Variants in HYDIN observed in about 807,000 individuals in gnomAD.
The protein encoded by HYDIN is HYDIN axonemal central pair apparatus protein, also known as axonemal central pair apparatus protein HYDIN.
HYDIN carries 132 observed loss-of-function variants against 403.9 expected under a neutral mutation model. The observed-to-expected ratio is 0.33, with a 90% CI of 0.28 to 0.38. HYDIN has a LOEUF of 0.38. Among genes scored for constraint, HYDIN ranks in the 10% least tolerant of loss-of-function variants. HYDIN has a pLI of 1.00. For synonymous variants in HYDIN, 1,202 were observed against 1,891.7 expected (o/e 0.64, Z 9.46); for missense variants, 2,827 against 5,009.5 (o/e 0.56, Z 13.15).
chr16:71,023,096 C>A (rs2080557480), intron 21 of HYDIN, among the ~76,000 whole-genome samples: 1 of 152,176 alleles, frequency 6.6e-6, no homozygotes, highest in African/African-American at 2.4e-5. Context: ...TACAATGCCA[C>A]CAACTTCAGT....
At chr16:70,881,406 T>A (rs1332564479) in intron 60 of HYDIN, among the ~76,000 whole-genome samples, 9 of 142,874 alleles carry the variant, frequency 6.3e-5, no homozygotes, top group African/African-American at 2.2e-4. Context: ...CAGGAGATCG[T>A]GACCATCCTG....
Position 70,844,807 on chromosome 16 carries a change from T to C in HYDIN, c.12874-4574A>G, listed in dbSNP as rs535336040. Among the ~76,000 whole-genome samples the C allele has an allele frequency of 1.7e-3, 263 of 150,440 alleles. 2 individuals carry two copies. The highest frequency in any genetic ancestry group is 6.2e-3 in the African/African-American group (252 of 40,622). On this transcript the variant is annotated intron_variant, in intron 75 of 85. Transcript: ENST00000393567. ...AGGTATTTTATTCTCTTTGAAGCAA[T>C]TGTGAATGGGAGTTCACTCATGATT...
intron 53 of HYDIN, among the ~76,000 whole-genome samples, chr16:70,896,588 TCAAA>T (rs1236708363): frequency 6.6e-6 from 1 of 151,166 alleles, no homozygotes; most frequent in Non-Finnish European, 1.5e-5. Context: ...ACTCTTGAAC[TCAAA>T]CAATCCTCCC....
At chr16:71,010,991 C>T (rs2144099763) in intron 23 of HYDIN, among the ~76,000 whole-genome samples, 1 of 152,300 alleles carries the variant, frequency 6.6e-6, no homozygotes, top group Middle Eastern at 3.4e-3. Flanking sequence ...ATGAATGCAG[C>T]CTGGTATAAG....
chr16:71,215,171 G>A (rs2088814272), intron 1 of HYDIN, among the ~76,000 whole-genome samples: 1 of 151,902 alleles, frequency 6.6e-6, no homozygotes, highest in Non-Finnish European at 1.5e-5. Flanking sequence ...CACCTTTAGA[G>A]GTCACTAGAG....
intron 10 of HYDIN, among the ~76,000 whole-genome samples, chr16:71,099,981 G>C (rs2083406122): frequency 6.6e-6 from 1 of 152,066 alleles, no homozygotes; most frequent in Non-Finnish European, 1.5e-5. Context: ...TCCAGCCTGG[G>C]CAACAGAGCA....
chr16:71,181,928 G>A (rs557504824), intron 3 of HYDIN, among the ~76,000 whole-genome samples: 2 of 152,302 alleles, frequency 1.3e-5, no homozygotes, highest in East Asian at 3.9e-4. Context: ...GCAGGACAAG[G>A]AGATGGCAGA....
At chr16:71,024,336 C>T (rs1157783041) in intron 21 of HYDIN, among the ~76,000 whole-genome samples, 1 of 152,194 alleles carries the variant, frequency 6.6e-6, no homozygotes, top group Non-Finnish European at 1.5e-5. Flanking sequence ...CAATTCTCTC[C>T]CCCTCCCTTG....
chr16:70,948,204 G>A (rs1212458358), intron 41 of HYDIN, among the ~76,000 whole-genome samples: 2 of 148,260 alleles, frequency 1.3e-5, no homozygotes, highest in Non-Finnish European at 3.0e-5. Context: ...CAAGCAATGG[G>A]GAAAGGATTC....
intron 1 of HYDIN, among the ~76,000 whole-genome samples, chr16:71,210,885 T>C (rs1364170270): frequency 1.3e-5 from 2 of 152,096 alleles, no homozygotes; most frequent in African/African-American, 4.8e-5. Flanking sequence ...TATAATTTTT[T>C]ACAAATTTAT....
chr16:71,222,573 C>G (rs888400336), intron 1 of HYDIN, among the ~76,000 whole-genome samples: 3 of 151,872 alleles, frequency 2.0e-5, no homozygotes, highest in Non-Finnish European at 4.4e-5. Context: ...GATTATATAC[C>G]TAGGAAACCC....
rs1774369 is a variant in HYDIN at position 70,933,912 on chromosome 16, C to T, written c.7158+2040G>A. 5.3e-5 allele frequency among the ~76,000 whole-genome samples: 8 copies of T among 152,126 alleles called. No homozygotes were observed. In the South Asian group the frequency reaches 1.2e-3, roughly 24 times the overall value. ...GTATGATCAGGTAGCACTGAAGTCACGCATGGGATGGGGGTCAGCCTTAGA... is the reference window on the plus strand; with the variant it reads ...GTATGATCAGGTAGCACTGAAGTCATGCATGGGATGGGGGTCAGCCTTAGA... On this transcript the variant is annotated intron_variant, in intron 45 of 85. Transcript: ENST00000393567.
At chr16:71,222,171 G>A (rs1289815700) in intron 1 of HYDIN, among the ~76,000 whole-genome samples, 2 of 152,084 alleles carry the variant, frequency 1.3e-5, no homozygotes, top group Non-Finnish European at 2.9e-5. Context: ...GGAATGCAGG[G>A]ATGGTTTAAT....
chr16:70,857,547 G>C (rs1282068364), intron 72 of HYDIN, among the ~76,000 whole-genome samples, 158 bp downstream of exon 72: 1 of 150,072 alleles, frequency 6.7e-6, no homozygotes, highest in Non-Finnish European at 1.5e-5. Context: ...AGATTGAGCA[G>C]TAAATATTTT....
intron 23 of HYDIN, among the ~76,000 whole-genome samples, chr16:70,999,932 C>T (rs2502670): frequency 2.0e-5 from 3 of 152,314 alleles, no homozygotes; most frequent in Middle Eastern, 3.4e-3. Context: ...ACTTCTATAA[C>T]GCTCCAGAAG....
chr16:70,826,604 TTGTC>T (rs908649074), intron 83 of HYDIN, among the ~76,000 whole-genome samples: 1 of 151,236 alleles, frequency 6.6e-6, no homozygotes, highest in Non-Finnish European at 1.5e-5. Flanking sequence ...TCTTAAAATC[TTGTC>T]TGTCTGTGAA....
intron 66 of HYDIN, among the ~76,000 whole-genome samples, chr16:70,866,954 G>A (rs1187026439): frequency 6.6e-6 from 1 of 151,016 alleles, no homozygotes; most frequent in African/African-American, 2.4e-5. Flanking sequence ...GAACCTAGGA[G>A]GTGGAGGTTG....
intron 57 of HYDIN, among the ~76,000 whole-genome samples, chr16:70,890,615 T>G (rs929562907): frequency 6.6e-6 from 1 of 151,764 alleles, no homozygotes; most frequent in African/African-American, 2.4e-5. Context: ...AAAGTCAAAA[T>G]TAAATCAGAA....
intron 3 of HYDIN, among the ~76,000 whole-genome samples, chr16:71,184,535 T>A (rs977321386): frequency 6.6e-6 from 1 of 152,182 alleles, no homozygotes; most frequent in African/African-American, 2.4e-5. Context: ...GAGAGATTAC[T>A]TGTTACACTA....
Sources: gnomAD v4.1 joint callset for allele counts (sites outside exome capture counted in the v4.1 genomes callset) on GRCh38, gnomAD v4.1.1 for gene constraint, MANE v1.5 for transcripts, NCBI Gene and HGNC (gene_info 2026-07-23, HGNC 2026-07-21) for gene names.